Variants in NLGN1 observed in about 807,000 individuals in gnomAD.
NLGN1 encodes neuroligin-1.
In NLGN1, 12 loss-of-function variants were observed where a neutral mutation model predicts 65.5. The observed-to-expected ratio is 0.18, with a 90% CI of 0.12 to 0.30. NLGN1 has a LOEUF of 0.30. NLGN1 is among the 10% of genes least tolerant of loss of function. The pLI, the probability that NLGN1 is intolerant of heterozygous loss-of-function variation, is 1.00. For synonymous variants in NLGN1, 350 were observed against 359.5 expected (o/e 0.97, Z 0.30); for missense variants, 750 against 1,007.1 (o/e 0.74, Z 3.46).
chr3:173,791,950 G>T (rs1712874282), intron 3 of NLGN1, among the ~76,000 whole-genome samples: 1 of 152,090 alleles, frequency 6.6e-6, no homozygotes, highest in South Asian at 2.1e-4. Flanking sequence ...ATGACCACTG[G>T]ATTCCAAGTG....
At chr3:173,916,366 C>T (rs534087411) in intron 4 of NLGN1, among the ~76,000 whole-genome samples, 4 of 152,214 alleles carry the variant, frequency 2.6e-5, no homozygotes, top group African/African-American at 9.6e-5. Flanking sequence ...TTCATTCACT[C>T]ATTCATTTAT....
At position 174,280,743 on chromosome 3, in the gene NLGN1, C is replaced by A; in HGVS notation, c.1912C>A (p.Pro638Thr). The A allele has an allele frequency of 6.2e-7, 1 of 1,613,308 alleles. No homozygotes were observed. The highest frequency in any genetic ancestry group is 8.5e-7 in the Non-Finnish European group (1 of 1,179,552). ...GCCATCAACTGACATCACTTTCAGA[C>A]CTACGAGAAAAAATTCTGTACCTGT... Residue 638 changes from proline (P) to threonine (T), a missense_variant, in exon 7 of 7, where the codon CCT becomes ACT. Transcript: ENST00000457714. The surrounding 1 kb of genome is among the most constrained non-coding windows in gnomAD (Gnocchi z 4.9).
chr3:173,601,232 A>G (rs1370561753), intron 2 of NLGN1, among the ~76,000 whole-genome samples: 4 of 152,008 alleles, frequency 2.6e-5, no homozygotes, highest in Non-Finnish European at 1.5e-5. Context: ...ACATTCTGAA[A>G]TATTTCAAAC....
intron 4 of NLGN1, among the ~76,000 whole-genome samples, chr3:173,941,135 T>A (rs1413822184): frequency 6.6e-6 from 1 of 152,184 alleles, no homozygotes; most frequent in Non-Finnish European, 1.5e-5. Flanking sequence ...AATATCTACA[T>A]GCCAGATAGT....
At chr3:173,523,496 A>G (rs1316504099) in intron 2 of NLGN1, among the ~76,000 whole-genome samples, 1 of 151,684 alleles carries the variant, frequency 6.6e-6, no homozygotes, top group Admixed American at 6.6e-5. Context: ...TCCGATCACC[A>G]TTTGTTGAAT....
intron 4 of NLGN1, among the ~76,000 whole-genome samples, chr3:174,094,455 A>AGAT (rs1745087811): frequency 6.7e-6 from 1 of 149,120 alleles, no homozygotes; most frequent in Non-Finnish European, 1.5e-5. Flanking sequence ...TTTTTTTTTG[A>AGAT]GATGACATCT....
chr3:174,275,698 CTCTTT>C (rs1348588974), intron 5 of NLGN1, among the ~76,000 whole-genome samples, 171 bp downstream of exon 5: 1 of 151,830 alleles, frequency 6.6e-6, no homozygotes, highest in Non-Finnish European at 1.5e-5. Flanking sequence ...TTTCGTCAAA[CTCTTT>C]TCTTTGTCTC....
intron 4 of NLGN1, among the ~76,000 whole-genome samples, chr3:173,933,587 A>G (rs534045119): frequency 1.3e-5 from 2 of 152,284 alleles, no homozygotes; most frequent in African/African-American, 2.4e-5. Context: ...GTACTTGGGA[A>G]GACCCCAAGG....
At chr3:174,096,189 A>G (rs1376998580) in intron 4 of NLGN1, among the ~76,000 whole-genome samples, 1 of 150,062 alleles carries the variant, frequency 6.7e-6, no homozygotes, top group Non-Finnish European at 1.5e-5. Context: ...TATAGAATAT[A>G]TAATACATAT....
At chr3:174,193,559 C>G (rs532531795) in intron 4 of NLGN1, among the ~76,000 whole-genome samples, 8 of 152,160 alleles carry the variant, frequency 5.3e-5, no homozygotes, top group Non-Finnish European at 1.2e-4. Context: ...CTTACGACTC[C>G]ATTGATCTTC....
rs1755575956 is a variant in NLGN1, at chr3:173,630,842, T to C, written c.493+25751T>C. Among the ~76,000 whole-genome samples, 3 of 152,146 alleles carry C rather than the reference T, an allele frequency of 2.0e-5. No homozygotes were observed. The South Asian group carries it at 6.2e-4, about 32-fold the overall frequency. On this transcript the variant is annotated intron_variant, in intron 3 of 6. Coordinates refer to ENST00000457714, the Ensembl canonical transcript of NLGN1. ...ATTTGGTACCCCAATTAACAGCGTA[T>C]GCAAATATTAGAGTTATTGAAATTT... is the stretch of plus-strand genomic sequence containing the variant.
At chr3:173,615,987 A>G (rs1387273141) in intron 3 of NLGN1, among the ~76,000 whole-genome samples, 1 of 152,068 alleles carries the variant, frequency 6.6e-6, no homozygotes, top group African/African-American at 2.4e-5. Flanking sequence ...GCCCTCAAAG[A>G]GTTCACTGTC....
chr3:173,456,260 G>A (rs540500027), intron 2 of NLGN1, among the ~76,000 whole-genome samples: 5 of 152,096 alleles, frequency 3.3e-5, no homozygotes, highest in Admixed American at 6.6e-5. Flanking sequence ...GTAAAGAGGT[G>A]ACATGAAACA....
Position 174,063,008 on chromosome 3 carries a change from A to G in NLGN1, c.647-212307A>G, listed in dbSNP as rs551322508. Among the ~76,000 whole-genome samples, 34 of 152,244 alleles carry G rather than the reference A, an allele frequency of 2.2e-4. No homozygotes were observed. In the South Asian group the frequency reaches 6.8e-3, roughly 31 times the overall value. ...AACAGTTCCTTAGAAATTGTTCCATACCAGGCTTTGGAAAGTTTCCTCTGA... is the reference window on the plus strand; with the variant it reads ...AACAGTTCCTTAGAAATTGTTCCATGCCAGGCTTTGGAAAGTTTCCTCTGA... On this transcript the variant is annotated intron_variant, in intron 4 of 6. Coordinates refer to ENST00000457714, the Ensembl canonical transcript of NLGN1.
intron 4 of NLGN1, among the ~76,000 whole-genome samples, chr3:174,160,489 T>G (rs1289140215): frequency 6.6e-6 from 1 of 151,710 alleles, no homozygotes; most frequent in African/African-American, 2.4e-5. Context: ...ATGTTTCTTA[T>G]TTAGCATTGT....
chr3:173,891,965 C>T (rs940562041), intron 4 of NLGN1, among the ~76,000 whole-genome samples: 1 of 152,094 alleles, frequency 6.6e-6, no homozygotes, highest in Non-Finnish European at 1.5e-5. Context: ...ATTCCACAGC[C>T]AAGGTCACAG....
chr3:174,157,719 T>C (rs1186229500), intron 4 of NLGN1, among the ~76,000 whole-genome samples: 3 of 151,788 alleles, frequency 2.0e-5, no homozygotes, highest in Non-Finnish European at 4.4e-5. Flanking sequence ...ATAGATTGTC[T>C]TGATCATATT....
rs117342277 is a variant in NLGN1 at position 174,122,714 on chromosome 3, G to C, written c.647-152601G>C. 6.2e-3 allele frequency among the ~76,000 whole-genome samples: 942 copies of C among 152,138 alleles called. 26 individuals carry two copies. The highest frequency in any genetic ancestry group is 0.039 in the East Asian group (201 of 5,152). On this transcript the variant is annotated intron_variant, in intron 4 of 6. Transcript: ENST00000457714. ...AGACCTCTCAAAGAAAAGATCATTTGCTCTGGTTTTTCCCTCACATGGAAA... is the reference window on the plus strand; with the variant it reads ...AGACCTCTCAAAGAAAAGATCATTTCCTCTGGTTTTTCCCTCACATGGAAA...
chr3:174,198,841 A>AT (rs1319387076), intron 4 of NLGN1, among the ~76,000 whole-genome samples: 5 of 82,796 alleles, frequency 6.0e-5, no homozygotes, highest in African/African-American at 1.7e-4. Context: ...TCATGACTAG[A>AT]TTCTTTTTTT....
Sources: gnomAD v4.1 joint callset for allele counts (sites outside exome capture counted in the v4.1 genomes callset) on GRCh38, gnomAD v4.1.1 for gene constraint, Gnocchi (gnomAD v3.1) non-coding constraint, MANE v1.5 for transcripts, NCBI Gene and HGNC (gene_info 2026-07-23, HGNC 2026-07-21) for gene names.